The following DNAJC10 variants were observed in gnomAD, a reference collection of about 807,000 sequenced individuals.
DNAJC10 encodes the protein endoplasmic reticulum disulfide reductase DNAJC10.
A neutral mutation model predicts 115.0 loss-of-function variants in DNAJC10; 101 were observed. The observed-to-expected ratio is 0.88, with a 90% CI of 0.75 to 1.04. The LOEUF (loss-of-function observed/expected upper bound fraction) is 1.04, where lower values mean the gene tolerates loss of function less well. Among genes scored for constraint, DNAJC10 ranks in the 50% least tolerant of loss-of-function variants. DNAJC10 has a pLI of 0.00. For synonymous variants in DNAJC10, 307 were observed against 301.5 expected (o/e 1.02, Z -0.19); for missense variants, 981 against 928.8 (o/e 1.06, Z -0.73).
chr2:182,758,813 A>C, intron 19 of DNAJC10, 24 bp from the exon 20 acceptor site: 2 of 1,554,880 alleles, frequency 1.3e-6, no homozygotes, highest in Non-Finnish European at 8.9e-7. Context: ...TCCTATTTAC[A>C]ACTAACATTT....
At chr2:182,750,283 G>C (rs1363698271) in intron 14 of DNAJC10, among the ~76,000 whole-genome samples, 1 of 152,188 alleles carries the variant, frequency 6.6e-6, no homozygotes, top group Non-Finnish European at 1.5e-5. Flanking sequence ...ACTGGGTGAA[G>C]AAACACTAGC....
chr2:182,732,545 A>G lies in DNAJC10; in HGVS notation c.849+3A>G, dbSNP rs1166656895. 3.1e-6 allele frequency: 5 copies of G among 1,612,914 alleles called. No homozygotes were observed. Among genetic ancestry groups the G allele is most frequent in the Non-Finnish European group, 4.2e-6 (5 of 1,179,250 alleles). ...GACTCAGGCTTAGTGGCATGTTGGTAAGCATCAATCATTTTGTAAAACTAT... is the reference window on the plus strand; with the variant it reads ...GACTCAGGCTTAGTGGCATGTTGGTGAGCATCAATCATTTTGTAAAACTAT... On this transcript the variant is annotated splice_donor_region_variant and intron_variant, in intron 10 of 23. Coordinates refer to ENST00000264065, the MANE Select transcript of DNAJC10 (RefSeq NM_018981.4).
chr2:182,736,181 A>G, intron 10 of DNAJC10, 68 bp from the exon 11 acceptor site: 3 of 1,470,880 alleles, frequency 2.0e-6, no homozygotes, highest in Non-Finnish European at 2.7e-6. Context: ...TAGCTAAGTA[A>G]AGCTCTAAAT....
At chr2:182,743,557 A>G (rs762708941) in intron 13 of DNAJC10, 41 bp from the exon 14 acceptor site, 31 of 1,382,114 alleles carry the variant, frequency 2.2e-5, no homozygotes, top group Non-Finnish European at 3.1e-5. Flanking sequence ...TCAAATGGGT[A>G]AGACAGTGTT....
intron 5 of DNAJC10, among the ~76,000 whole-genome samples, chr2:182,723,202 G>C (rs1487238398): frequency 1.3e-5 from 2 of 151,900 alleles, no homozygotes; most frequent in East Asian, 3.9e-4. Flanking sequence ...ACCACACCCA[G>C]TTAATTTTTG....
intron 22 of DNAJC10, among the ~76,000 whole-genome samples, chr2:182,774,263 C>T (rs765937217): frequency 1.3e-5 from 2 of 152,194 alleles, no homozygotes; most frequent in Non-Finnish European, 2.9e-5. Flanking sequence ...TGTCTGTCGG[C>T]CCCTACTGGA....
chr2:182,752,698 A>T, intron 16 of DNAJC10: 1 of 292,170 alleles, frequency 3.4e-6, no homozygotes, highest in Non-Finnish European at 4.8e-6. Flanking sequence ...AATATCACGT[A>T]TAAAATACTT....
intron 11 of DNAJC10, among the ~76,000 whole-genome samples, chr2:182,737,776 T>G (rs908403183): frequency 5.3e-5 from 8 of 152,236 alleles, no homozygotes; most frequent in African/African-American, 1.7e-4. Context: ...TCCCATATTA[T>G]TTGATGAAAA....
At chr2:182,754,937 G>T in intron 16 of DNAJC10, 66 bp from the exon 17 acceptor site, 2 of 1,355,064 alleles carry the variant, frequency 1.5e-6, no homozygotes, top group South Asian at 2.5e-5. Flanking sequence ...AGGCAAACTT[G>T]TTATAAATTT....
chr2:182,754,105 A>C (rs1223678792), intron 16 of DNAJC10, among the ~76,000 whole-genome samples: 1 of 152,210 alleles, frequency 6.6e-6, no homozygotes, highest in Non-Finnish European at 1.5e-5. Flanking sequence ...TTAGCAACTA[A>C]GTATAATTGT....
intron 10 of DNAJC10, among the ~76,000 whole-genome samples, chr2:182,735,968 T>A (rs971339763): frequency 6.6e-6 from 1 of 152,132 alleles, no homozygotes; most frequent in Non-Finnish European, 1.5e-5. Context: ...TAAATGTCGT[T>A]TTTTGTGGAT....
chr2:182,751,915 T>G (rs568270565), intron 15 of DNAJC10, 130 bp downstream of exon 15: 1 of 1,279,738 alleles, frequency 7.8e-7, no homozygotes, highest in Non-Finnish European at 1.1e-6. Context: ...CACTAATGCA[T>G]ATTGCTTTTA....
At chr2:182,757,964 G>T in intron 19 of DNAJC10, 139 bp downstream of exon 19, 1 of 547,850 alleles carries the variant, frequency 1.8e-6, no homozygotes, top group South Asian at 3.3e-5. Flanking sequence ...GTTTGTTAAT[G>T]AACATTTCAG....
At chr2:182,744,462 G>T (rs192262678) in intron 14 of DNAJC10, among the ~76,000 whole-genome samples, 1 of 152,272 alleles carries the variant, frequency 6.6e-6, no homozygotes, top group Admixed American at 6.5e-5. Context: ...GTATATTAAT[G>T]ACAACAAGAT....
chr2:182,777,067 C>A, intron 23 of DNAJC10, 54 bp from the exon 24 acceptor site: 2 of 1,195,960 alleles, frequency 1.7e-6, no homozygotes, highest in Non-Finnish European at 1.1e-6. Flanking sequence ...TTATTTTTAA[C>A]ATTACCAACT....
At chr2:182,740,503 G>A in intron 12 of DNAJC10, 115 bp downstream of exon 12, 1 of 1,001,178 alleles carries the variant, frequency 1.0e-6, no homozygotes, top group East Asian at 3.3e-5. Flanking sequence ...GAAAGTAGCA[G>A]TTTCAAAGGA....
intron 18 of DNAJC10, among the ~76,000 whole-genome samples, chr2:182,756,801 G>T (rs924103197): frequency 2.6e-5 from 4 of 152,084 alleles, no homozygotes; most frequent in African/African-American, 7.2e-5. Context: ...ACCACGCCTA[G>T]CTAATTTTTG....
intron 14 of DNAJC10, among the ~76,000 whole-genome samples, chr2:182,746,455 C>G (rs182322778): frequency 4.9e-4 from 74 of 152,106 alleles, no homozygotes; most frequent in East Asian, 3.5e-3. Flanking sequence ...ATCTCATTGT[C>G]ATTTTGATTT....
chr2:182,721,496 C>T (rs1693149243), intron 4 of DNAJC10, among the ~76,000 whole-genome samples: 1 of 152,114 alleles, frequency 6.6e-6, no homozygotes, highest in African/African-American at 2.4e-5. Flanking sequence ...TTGTGTCTGC[C>T]TCTGCAAATA....
Sources: allele counts gnomAD v4.1 joint callset (sites outside exome capture counted in the v4.1 genomes callset), GRCh38; gene constraint gnomAD v4.1.1; transcripts MANE v1.5; gene names NCBI Gene and HGNC (gene_info 2026-07-23, HGNC 2026-07-21).